The following SUDS3 variants were observed in gnomAD, a reference collection of about 807,000 sequenced individuals.
SUDS3 encodes SIN3A corepressor complex component SDS3.
A neutral mutation model predicts 53.5 loss-of-function variants in SUDS3; 23 were observed. That is an observed-to-expected ratio of 0.43 (90% CI 0.31 to 0.61). The LOEUF (loss-of-function observed/expected upper bound fraction) is 0.61. SUDS3 is among the 20% of genes least tolerant of loss of function. The probability of loss-of-function intolerance (pLI) is 0.10; values close to 1 mark genes in which losing one functional copy is unlikely to be tolerated. For synonymous variants in SUDS3, 150 were observed against 148.5 expected (o/e 1.01, Z -0.08); for missense variants, 291 against 405.9 (o/e 0.72, Z 2.43).
chr12:118,395,429 T>C (rs2046206345), intron 6 of SUDS3, among the ~76,000 whole-genome samples: 1 of 151,632 alleles, frequency 6.6e-6, no homozygotes, highest in Non-Finnish European at 1.5e-5. Flanking sequence ...GGTTTCACTG[T>C]GTTAGCCAGG....
intron 10 of SUDS3, among the ~76,000 whole-genome samples, chr12:118,410,522 G>A (rs1265002427): frequency 6.6e-6 from 1 of 151,848 alleles, no homozygotes; most frequent in African/African-American, 2.4e-5. Flanking sequence ...TCCCAAAGAA[G>A]ATTAGGTGGT....
intron 1 of SUDS3, among the ~76,000 whole-genome samples, chr12:118,378,606 G>A (rs1282165342): frequency 2.0e-5 from 3 of 151,254 alleles, no homozygotes; most frequent in Non-Finnish European, 2.9e-5. Context: ...CTCAGTCTCC[G>A]GAGTAGTTGG....
At chr12:118,379,990 A>G (rs903965778) in intron 1 of SUDS3, among the ~76,000 whole-genome samples, 172 bp from the exon 2 acceptor site, 1 of 152,168 alleles carries the variant, frequency 6.6e-6, no homozygotes, top group African/African-American at 2.4e-5. Context: ...GTGTTTGCAG[A>G]TAGGGATGGC....
intron 10 of SUDS3, among the ~76,000 whole-genome samples, chr12:118,410,580 TTTTATTTA>T (rs376070753): frequency 3.7e-5 from 5 of 133,610 alleles, no homozygotes; most frequent in South Asian, 2.5e-4. Context: ...TATTTATTTA[TTTTATTTA>T]TTTATTTATT....
At position 118,417,673 on chromosome 12, in the gene SUDS3, A is replaced by G. The variant is rs866252784; in HGVS notation, c.*3240A>G. The stretch of plus-strand genomic sequence containing the variant: ...GAGGTGAATGTAAAATATAAAAGGT[A>G]TAGGTTTTTTTTTTTTTTTAAAGAA... On this transcript the variant is annotated 3_prime_UTR_variant, in exon 12 of 12. Transcript: ENST00000543473. The G allele has an allele frequency of 2.7e-5, 4 of 148,006 alleles. No individual in the cohort carries two copies. Among genetic ancestry groups the G allele is most frequent in the Non-Finnish European group, 5.9e-5 (4 of 67,668 alleles). The allele number at this position is 148,006 out of a possible 1,614,324, so 9.2% of individuals were successfully genotyped here. A position where few individuals can be genotyped will look rare whatever the true frequency, so the allele number is the denominator to read the frequency against.
At chr12:118,380,088 C>T in intron 1 of SUDS3, 74 bp from the exon 2 acceptor site, 1 of 1,181,334 alleles carries the variant, frequency 8.5e-7, no homozygotes, top group Non-Finnish European at 1.2e-6. Flanking sequence ...TTATTGAGTG[C>T]ATACTCTGTG....
chr12:118,398,068 CT>C lies in SUDS3; in HGVS notation c.518-2584del, dbSNP rs558380005. Among the ~76,000 whole-genome samples the C allele has an allele frequency of 6.1e-4, 93 of 152,252 alleles. 1 individual carries two copies. Among genetic ancestry groups the C allele is most frequent in the Middle Eastern group, 6.8e-3 (2 of 294 alleles). On this transcript the variant is annotated intron_variant, in intron 6 of 11. Coordinates refer to ENST00000543473, the MANE Select transcript of SUDS3 (RefSeq NM_022491.3). ...ACATCAGCTGCTTTCGACTATGTAA[CT>C]TTTTTTCAGCTCTTTGTGCCTTGAG...
rs113340474 is a variant in SUDS3 at position 118,383,995 on chromosome 12, C to CTT, written c.213-6_213-5dup. 2,806 of 1,362,656 alleles carry CTT rather than the reference C, an allele frequency of 2.1e-3. No homozygotes were observed. Among genetic ancestry groups the CTT allele is most frequent in the Non-Finnish European group, 2.4e-3 (2,377 of 986,692 alleles). 84.4% of individuals were successfully genotyped at this position (1,362,656 alleles called of 1,614,324 possible). On this transcript the variant is annotated splice_polypyrimidine_tract_variant and intron_variant, in intron 2 of 11. Coordinates refer to ENST00000543473, the MANE Select transcript of SUDS3 (RefSeq NM_022491.3). Reference sequence around the variant, plus strand: ...TGAATGTTTTTATCTGTTAGTGTGACTTTTTTTTTTTTATAGGATGTATCA... The same window carrying CTT: ...TGAATGTTTTTATCTGTTAGTGTGACTTTTTTTTTTTTTTATAGGATGTATCA...
chr12:118,411,288 A>G (rs1178865785), intron 11 of SUDS3, 131 bp downstream of exon 11: 1 of 758,672 alleles, frequency 1.3e-6, no homozygotes, highest in African/African-American at 1.8e-5. Context: ...GTTAGATTCT[A>G]AAGTCAGGCA....
intron 10 of SUDS3, 37 bp from the exon 11 acceptor site, chr12:118,411,036 C>T (rs1176422072): frequency 6.5e-7 from 1 of 1,546,234 alleles, no homozygotes; most frequent in Non-Finnish European, 8.8e-7. Context: ...TGTCTCTGTC[C>T]CTCCCTTTTT....
intron 6 of SUDS3, among the ~76,000 whole-genome samples, chr12:118,395,986 T>C (rs2046211618): frequency 6.6e-6 from 1 of 152,030 alleles, no homozygotes; most frequent in South Asian, 2.1e-4. Context: ...AGCCCTAACA[T>C]TCATTCTTAT....
intron 6 of SUDS3, 51 bp downstream of exon 6, chr12:118,391,333 T>C (rs2046166328): frequency 3.2e-6 from 5 of 1,548,282 alleles, no homozygotes; most frequent in African/African-American, 1.4e-5. Context: ...CGGGGGGGTG[T>C]GAAGGGCTGT....
intron 10 of SUDS3, among the ~76,000 whole-genome samples, chr12:118,405,412 A>T (rs577033209): frequency 6.6e-6 from 1 of 152,336 alleles, no homozygotes; most frequent in South Asian, 2.1e-4. Context: ...GTTTTTTTAA[A>T]GAAGAGATCC....
chr12:118,400,545 C>T, intron 6 of SUDS3, 114 bp from the exon 7 acceptor site: 2 of 931,942 alleles, frequency 2.1e-6, no homozygotes, highest in African/African-American at 3.3e-5. Context: ...ACAAACACCC[C>T]CAGTAAAACA....
At chr12:118,404,837 T>A (rs932934086) in intron 10 of SUDS3, among the ~76,000 whole-genome samples, 1 of 152,212 alleles carries the variant, frequency 6.6e-6, no homozygotes, top group African/African-American at 2.4e-5. Flanking sequence ...TTATTTTGAA[T>A]TCTTAAAAAA....
chr12:118,412,799 T>C (rs182863358), intron 11 of SUDS3, among the ~76,000 whole-genome samples: 8 of 152,212 alleles, frequency 5.3e-5, no homozygotes, highest in South Asian at 2.1e-4. Flanking sequence ...CGTCTTGACA[T>C]AATAGAGTGT....
chr12:118,379,820 C>T (rs777538022), intron 1 of SUDS3, among the ~76,000 whole-genome samples: 2 of 152,188 alleles, frequency 1.3e-5, no homozygotes, highest in Admixed American at 6.5e-5. Context: ...TAAAGGCAAG[C>T]TTTTTGCATA....
At chr12:118,406,298 G>A (rs1011386493) in intron 10 of SUDS3, among the ~76,000 whole-genome samples, 4 of 152,136 alleles carry the variant, frequency 2.6e-5, no homozygotes, top group Non-Finnish European at 4.4e-5. Flanking sequence ...GCCTTCGGTC[G>A]ACACAAAAGA....
At chr12:118,398,828 A>G (rs959156258) in intron 6 of SUDS3, among the ~76,000 whole-genome samples, 2 of 152,076 alleles carry the variant, frequency 1.3e-5, no homozygotes, top group African/African-American at 2.4e-5. Context: ...GACTATTGCT[A>G]GGTGTTGGGG....
Sources: gnomAD v4.1 joint callset for allele counts (sites outside exome capture counted in the v4.1 genomes callset) on GRCh38, gnomAD v4.1.1 for gene constraint, MANE v1.5 for transcripts, NCBI Gene and HGNC (gene_info 2026-07-23, HGNC 2026-07-21) for gene names.